The following KRT8 variants were observed in gnomAD, a reference collection of about 807,000 sequenced individuals.
KRT8 encodes the protein keratin 8, also known as keratin, type II cytoskeletal 8.
KRT8 carries 24 observed loss-of-function variants against 43.0 expected under a neutral mutation model. The ratio of observed to expected loss-of-function variants is 0.56; its 90% CI spans 0.40 to 0.78. The LOEUF (loss-of-function observed/expected upper bound fraction) is 0.78. KRT8 is among the 30% of genes least tolerant of loss of function. The probability of loss-of-function intolerance (pLI) is 0.00; values close to 1 mark genes in which losing one functional copy is unlikely to be tolerated. For missense variants in KRT8, 492 were observed against 638.4 expected (o/e 0.77, Z 2.47); for synonymous variants, 214 against 261.2 (o/e 0.82, Z 1.74).
At chr12:52,901,531 A>G in intron 2 of KRT8, 2 of 552,486 alleles carry the variant, frequency 3.6e-6, no homozygotes, top group Non-Finnish European at 6.5e-6. Flanking sequence ...GTCAAGGGTC[A>G]AGACTAAAGA....
chr12:52,900,742 G>A, intron 3 of KRT8, 59 bp from the exon 4 acceptor site: 1 of 1,190,848 alleles, frequency 8.4e-7, no homozygotes, highest in Admixed American at 1.7e-5. Flanking sequence ...CCAACCAAGG[G>A]GCTCCCAAGG....
chr12:52,900,567 C>T (rs1228314046), intron 4 of KRT8, 21 bp downstream of exon 4: 1 of 1,535,684 alleles, frequency 6.5e-7, no homozygotes, highest in Non-Finnish European at 9.0e-7. Context: ...GACCCTCACT[C>T]TCCTGCGACC....
At chr12:52,912,928 A>T (rs114332796) in intron 2 of KRT8, among the ~76,000 whole-genome samples, 1,815 of 152,298 alleles carry the variant, frequency 0.012, 38 homozygotes, top group African/African-American at 0.042. Context: ...GTGACCAGGT[A>T]CCCTGGCTGG....
chr12:52,908,376 T>G (rs1200166265), upstream of KRT8, among the ~76,000 whole-genome samples: 1 of 152,240 alleles, frequency 6.6e-6, no homozygotes, highest in Non-Finnish European at 1.5e-5. Context: ...CGCTGCAACC[T>G]TGTTCATAAT....
chr12:52,922,651 C>T (rs1461007162), intron 2 of KRT8, among the ~76,000 whole-genome samples: 7 of 152,162 alleles, frequency 4.6e-5, no homozygotes, highest in Non-Finnish European at 8.8e-5. Context: ...CCAGCCTTGG[C>T]GACAGAGCAA....
At chr12:52,923,786 A>G (rs1941935110) in intron 2 of KRT8, among the ~76,000 whole-genome samples, 1 of 151,926 alleles carries the variant, frequency 6.6e-6, no homozygotes, top group Non-Finnish European at 1.5e-5. Flanking sequence ...TTACATTTAA[A>G]TTAATATGGA....
intron 2 of KRT8, among the ~76,000 whole-genome samples, chr12:52,931,507 G>A (rs1942083269): frequency 6.6e-6 from 1 of 152,100 alleles, no homozygotes; most frequent in Non-Finnish European, 1.5e-5. Context: ...TTCATGACAT[G>A]TTCCCAATCA....
intron 2 of KRT8, among the ~76,000 whole-genome samples, chr12:52,935,211 T>A (rs1192011526): frequency 1.3e-5 from 2 of 150,396 alleles, no homozygotes; most frequent in Non-Finnish European, 3.0e-5. Flanking sequence ...CAAAACCCTG[T>A]CTCTACTAAA....
chr12:52,906,633 T>C, upstream of KRT8: 1 of 453,084 alleles, frequency 2.2e-6, no homozygotes, highest in South Asian at 1.6e-5. Flanking sequence ...AGGCAGAGAT[T>C]CCACCTGCAA....
intron 2 of KRT8, among the ~76,000 whole-genome samples, chr12:52,942,729 C>T (rs116053718): frequency 0.065 from 9,855 of 152,092 alleles, 1,037 homozygotes; most frequent in African/African-American, 0.22. Flanking sequence ...TCTCTCCCAC[C>T]CCCAGGATAC....
chr12:52,902,979 T>C (rs2120570986), intron 1 of KRT8, among the ~76,000 whole-genome samples: 1 of 152,104 alleles, frequency 6.6e-6, no homozygotes, highest in South Asian at 2.1e-4. Flanking sequence ...ACCACTGCAC[T>C]CCAGCCTGGG....
At chr12:52,906,516 C>T (rs911261406), upstream of KRT8, 5 of 361,688 alleles carry the variant, frequency 1.4e-5, no homozygotes, top group South Asian at 6.1e-5. Flanking sequence ...GGACGTAGCA[C>T]GCACCTGTGG....
intron 2 of KRT8, chr12:52,926,350 C>CA: frequency 8.2e-7 from 1 of 1,214,422 alleles, no homozygotes; most frequent in Non-Finnish European, 1.2e-6. Flanking sequence ...CACCCCACCC[C>CA]CAGGACTGTG....
At chr12:52,907,211 A>T (rs1265616783), upstream of KRT8, among the ~76,000 whole-genome samples, 2 of 152,130 alleles carry the variant, frequency 1.3e-5, no homozygotes, top group African/African-American at 4.8e-5. Context: ...CCCAAGAGTG[A>T]TTGGAAGGCA....
At chr12:52,908,176 G>C (rs1002636096), upstream of KRT8, among the ~76,000 whole-genome samples, 4 of 152,168 alleles carry the variant, frequency 2.6e-5, no homozygotes, top group East Asian at 7.7e-4. Flanking sequence ...GGGGTGGGGA[G>C]GTAGCTGTTA....
intron 2 of KRT8, among the ~76,000 whole-genome samples, chr12:52,919,008 T>C (rs1277398286): frequency 6.6e-6 from 1 of 152,062 alleles, no homozygotes; most frequent in Non-Finnish European, 1.5e-5. Flanking sequence ...GGAGGGTAAC[T>C]AGGAGGTGGC....
At chr12:52,926,612 C>T in intron 2 of KRT8, 2 of 640,720 alleles carry the variant, frequency 3.1e-6, no homozygotes, top group South Asian at 3.9e-5. Flanking sequence ...GTCTGAGCTC[C>T]CCTCCCTGAT....
At chr12:52,943,786 C>T (rs182822296) in intron 2 of KRT8, among the ~76,000 whole-genome samples, 54 of 152,340 alleles carry the variant, frequency 3.5e-4, no homozygotes, top group African/African-American at 1.3e-3. Flanking sequence ...CTCCTAGCTG[C>T]TCACAGGATA....
At chr12:52,900,521 T>A in intron 4 of KRT8, 67 bp downstream of exon 4, 1 of 995,350 alleles carries the variant, frequency 1.0e-6, no homozygotes, top group Non-Finnish European at 1.6e-6. Flanking sequence ...GAGCCTCTGG[T>A]TGAGTCTCAG....
Sources: gnomAD v4.1 joint callset for allele counts (sites outside exome capture counted in the v4.1 genomes callset) on GRCh38, gnomAD v4.1.1 for gene constraint, MANE v1.5 for transcripts, NCBI Gene and HGNC (gene_info 2026-07-23, HGNC 2026-07-21) for gene names.